Variants in GGA2 observed in about 807,000 individuals in gnomAD.
The protein encoded by GGA2 is golgi associated, gamma adaptin ear containing, ARF binding protein 2, also known as ADP-ribosylation factor-binding protein GGA2.
A neutral mutation model predicts 79.5 loss-of-function variants in GGA2; 48 were observed. The observed-to-expected ratio is 0.60, with a 90% CI of 0.48 to 0.77. The LOEUF is 0.77. Ranked by LOEUF, GGA2 falls within the 30% of genes least tolerant of loss-of-function variation. GGA2 has a pLI of 0.00. For synonymous variants in GGA2, 317 were observed against 302.0 expected, an observed-to-expected ratio of 1.05 and a Z score of -0.51; for missense variants, 770 against 774.0, an observed-to-expected ratio of 0.99 and a Z score of 0.06.
chr16:23,478,509 A>G lies in GGA2; in HGVS notation c.1159-8T>C, dbSNP rs1197770005. 6.2e-7 allele frequency: 1 copy of G among 1,603,720 alleles called. No homozygotes were observed. Among genetic ancestry groups the G allele is most frequent in the Non-Finnish European group, 8.5e-7 (1 of 1,173,144 alleles). On this transcript the variant is annotated splice_polypyrimidine_tract_variant and splice_region_variant and intron_variant, in intron 12 of 16. Transcript: ENST00000309859. ...GCAATTCTGACCAGAAACCTGTCAAATCAGGAATGGCTAAAATAAGACCAG... is the reference window on the plus strand; with the variant it reads ...GCAATTCTGACCAGAAACCTGTCAAGTCAGGAATGGCTAAAATAAGACCAG...
intron 14 of GGA2, among the ~76,000 whole-genome samples, chr16:23,473,031 C>A (rs370416839): frequency 0.022 from 2,473 of 114,048 alleles, no homozygotes; most frequent in African/African-American, 0.024. Context: ...ACTCTGTCTC[C>A]AAAAAAAAAA....
At chr16:23,472,680 C>A (rs1964526216) in intron 14 of GGA2, among the ~76,000 whole-genome samples, 1 of 151,136 alleles carries the variant, frequency 6.6e-6, no homozygotes, top group African/African-American at 2.4e-5. Flanking sequence ...TGCACTCCAG[C>A]CTGGGTGATA....
At chr16:23,503,845 G>A (rs1964945852) in intron 1 of GGA2, among the ~76,000 whole-genome samples, 1 of 152,186 alleles carries the variant, frequency 6.6e-6, no homozygotes, top group African/African-American at 2.4e-5. Flanking sequence ...ATTTTGGGAG[G>A]CCAAGGTGGG....
At chr16:23,519,792 T>C (rs1965125040) in intron 1 of GGA2, among the ~76,000 whole-genome samples, 1 of 152,218 alleles carries the variant, frequency 6.6e-6, no homozygotes, top group African/African-American at 2.4e-5. Flanking sequence ...TCCTGCCCTT[T>C]AGATCTGTGA....
chr16:23,500,638 C>G (rs918226544), intron 1 of GGA2, among the ~76,000 whole-genome samples: 31 of 152,234 alleles, frequency 2.0e-4, no homozygotes, highest in African/African-American at 7.0e-4. Flanking sequence ...ATGGAACATA[C>G]TGCTCCCCAA....
rs1210006149 is a variant in GGA2, at chr16:23,510,436, G to A, written c.-25C>T. ...TCGCTCCAGCCCCGACGCTGCGGCCGCGGGCGCCACTGCCTCTTCAGCCGC... is the reference window on the plus strand; with the variant it reads ...TCGCTCCAGCCCCGACGCTGCGGCCACGGGCGCCACTGCCTCTTCAGCCGC... On this transcript the variant is annotated 5_prime_UTR_variant, in exon 1 of 17. Coordinates refer to ENST00000309859, the MANE Select transcript of GGA2 (RefSeq NM_015044.4). The A allele has an allele frequency of 2.1e-6, 2 of 967,368 alleles. No individual in the cohort carries two copies. Among genetic ancestry groups the A allele is most frequent in the Non-Finnish European group, 2.7e-6 (2 of 729,224 alleles). The allele number at this position is 967,368 out of a possible 1,614,324, so 59.9% of individuals were successfully genotyped here.
chr16:23,489,849 C>T (rs1056408910), intron 5 of GGA2, among the ~76,000 whole-genome samples: 1 of 152,032 alleles, frequency 6.6e-6, no homozygotes, highest in Non-Finnish European at 1.5e-5. Flanking sequence ...CCGGTGGAAC[C>T]CACTGCAGCT....
At chr16:23,492,621 G>A (rs1407093969) in intron 4 of GGA2, among the ~76,000 whole-genome samples, 2 of 152,132 alleles carry the variant, frequency 1.3e-5, no homozygotes, top group African/African-American at 2.4e-5. Context: ...CCAAGACCTT[G>A]CCTATGTATC....
chr16:23,488,838 A>G (rs1173005678), intron 5 of GGA2, 129 bp from the exon 6 acceptor site: 1 of 614,666 alleles, frequency 1.6e-6, no homozygotes, highest in Non-Finnish European at 2.9e-6. Flanking sequence ...ACAGCCTTCA[A>G]AGACAACACC....
At chr16:23,473,853 A>C (rs1409679104) in intron 14 of GGA2, among the ~76,000 whole-genome samples, 1 of 152,234 alleles carries the variant, frequency 6.6e-6, no homozygotes, top group Non-Finnish European at 1.5e-5. Context: ...TATTTCTTAA[A>C]TCAAAAATCA....
chr16:23,499,250 T>C (rs1964892983), intron 1 of GGA2, among the ~76,000 whole-genome samples: 1 of 151,640 alleles, frequency 6.6e-6, no homozygotes, highest in Non-Finnish European at 1.5e-5. Context: ...GTTCAAGCGA[T>C]TCTCCGGCCT....
rs770621019 is a variant in GGA2, at chr16:23,465,223, C to T, written c.*2367G>A. 12 of 643,858 alleles carry T rather than the reference C, an allele frequency of 1.9e-5. No individual in the cohort carries two copies. The highest frequency in any genetic ancestry group is 1.3e-4 in the African/African-American group (7 of 55,698). The allele number at this position is 643,858 out of a possible 1,614,324, so 39.9% of individuals were successfully genotyped here. A position where few individuals can be genotyped will look rare whatever the true frequency, so the allele number is the denominator to read the frequency against. On this transcript the variant is annotated 3_prime_UTR_variant, in exon 17 of 17. Transcript: ENST00000309859. ...CTGGACTTGAAATCCTGGGCTCAAG[C>T]GGTCATCCCACTCAGCCTCCCAAAA...
At chr16:23,484,310 C>T (rs1201380459) in intron 8 of GGA2, among the ~76,000 whole-genome samples, 1 of 151,944 alleles carries the variant, frequency 6.6e-6, no homozygotes, top group South Asian at 2.1e-4. Flanking sequence ...CCCAGCTCCT[C>T]GGGAGGCTGA....
chr16:23,471,790 T>C (rs1159645123), intron 14 of GGA2, among the ~76,000 whole-genome samples: 2 of 152,064 alleles, frequency 1.3e-5, no homozygotes, highest in Non-Finnish European at 2.9e-5. Flanking sequence ...CCTGTCATTC[T>C]AGCTACCTGG....
intron 13 of GGA2, among the ~76,000 whole-genome samples, chr16:23,476,857 C>T (rs1033035822): frequency 2.0e-5 from 3 of 152,160 alleles, no homozygotes; most frequent in Non-Finnish European, 2.9e-5. Flanking sequence ...TTCTACTACT[C>T]CTAGTCCTTA....
At chr16:23,478,284 G>A (rs931365846) in intron 13 of GGA2, 84 bp downstream of exon 13, 24 of 1,010,878 alleles carry the variant, frequency 2.4e-5, no homozygotes, top group South Asian at 3.8e-5. Context: ...CTGTCTTAGA[G>A]CACCATTCTC....
At chr16:23,498,006 C>T (rs985555073) in intron 1 of GGA2, among the ~76,000 whole-genome samples, 4 of 152,144 alleles carry the variant, frequency 2.6e-5, no homozygotes, top group South Asian at 4.1e-4. Context: ...GAAGGCTGGG[C>T]GCAGTGGCTC....
Position 23,494,308 on chromosome 16 carries a change from A to G in GGA2, c.247T>C (p.Leu83=), listed in dbSNP as rs138397318. ...SPQEKEALYA[L]TVLEMCMNHC... is the part of the protein sequence containing the mutation. ...ACAAGGCAAGCCAAACTCACCGTTAAGGCATAAAGAGCTTCCTTCTCTTGC... is the reference window on the plus strand; with the variant it reads ...ACAAGGCAAGCCAAACTCACCGTTAGGGCATAAAGAGCTTCCTTCTCTTGC... The change falls in exon 3 of 17, where the codon TTA becomes CTA. Residue 83 remains leucine (L), a synonymous_variant. Coordinates refer to ENST00000309859, the MANE Select transcript of GGA2 (RefSeq NM_015044.4). 4 of 1,600,948 alleles carry G rather than the reference A, an allele frequency of 2.5e-6. No individual in the cohort carries two copies. In the African/African-American group the frequency reaches 5.4e-5, roughly 21 times the overall value.
chr16:23,499,885 G>A (rs1964901018), intron 1 of GGA2, among the ~76,000 whole-genome samples: 1 of 152,222 alleles, frequency 6.6e-6, no homozygotes, highest in Non-Finnish European at 1.5e-5. Context: ...CGCTGGCAGG[G>A]CGGGGCCTGG....
Sources: allele counts gnomAD v4.1 joint callset (sites outside exome capture counted in the v4.1 genomes callset), GRCh38; gene constraint gnomAD v4.1.1; transcripts MANE v1.5; gene names NCBI Gene and HGNC (gene_info 2026-07-23, HGNC 2026-07-21).